The following FN1 variants were observed in gnomAD, a reference collection of about 807,000 sequenced individuals.
FN1 encodes fibronectin.
Under a neutral mutation model 297.3 loss-of-function variants are expected in FN1, and 106 were observed. That is an observed-to-expected ratio of 0.36 (90% confidence interval 0.30 to 0.42). The LOEUF is 0.42. Among genes scored for constraint, FN1 ranks in the 10% least tolerant of loss-of-function variants. The pLI, the probability that FN1 is intolerant of heterozygous loss-of-function variation, is 1.00. For missense variants in FN1, 2,690 were observed against 3,124.9 expected (o/e 0.86, Z 3.32); for synonymous variants, 1,149 against 1,152.6 (o/e 1.00, Z 0.06).
intron 25 of FN1, chr2:215,392,701 G>T: frequency 1.7e-6 from 1 of 573,904 alleles, no homozygotes; most frequent in East Asian, 3.0e-5. Context: ...TATTTCTCTA[G>T]CTTTATATCT....
In FN1 at chr2:215,407,241, G is replaced by GTT; in HGVS notation, c.2598_2599insAA (p.Leu867AsnfsTer53). On this transcript the variant is annotated frameshift_variant, in exon 18 of 46. Transcript: ENST00000354785. LOFTEE classifies it high-confidence loss of function. The stretch of plus-strand genomic sequence containing the variant: ...TGAACACCAGGTTGCAAGTCACTGA[G>GTT]GGTGACGGAGTTTGCAGTTTCAGGA... 6.2e-7 allele frequency: 1 copy of GTT among 1,613,836 alleles called. No homozygotes were observed. The highest frequency in any genetic ancestry group is 8.5e-7 in the Non-Finnish European group (1 of 1,179,708).
intron 33 of FN1, chr2:215,380,266 G>A (rs189799148): frequency 1.9e-4 from 31 of 161,706 alleles, no homozygotes; most frequent in Non-Finnish European, 3.8e-4. Flanking sequence ...ATTCTACTCT[G>A]CTTCAGAAAT....
chr2:215,379,351 A>T (rs2057856254), intron 33 of FN1, 34 bp from the exon 34 acceptor site: 2 of 1,592,060 alleles, frequency 1.3e-6, no homozygotes, highest in Non-Finnish European at 8.6e-7. Flanking sequence ...AGGTTATCTT[A>T]TAGGAAATGG....
At chr2:215,394,343 C>T (rs945628357) in intron 24 of FN1, among the ~76,000 whole-genome samples, 185 bp downstream of exon 24, 19 of 152,214 alleles carry the variant, frequency 1.2e-4, no homozygotes, top group Non-Finnish European at 7.3e-5. Flanking sequence ...GACAGTAAAG[C>T]AGTGTTAACA....
intron 26 of FN1, among the ~76,000 whole-genome samples, chr2:215,389,977 G>T (rs1010929692): frequency 6.6e-6 from 1 of 152,162 alleles, no homozygotes; most frequent in African/African-American, 2.4e-5. Context: ...GATACAGAGA[G>T]TGAGGTTTCT....
intron 4 of FN1, 87 bp downstream of exon 4, chr2:215,431,746 T>C: frequency 7.4e-7 from 1 of 1,343,322 alleles, no homozygotes; most frequent in South Asian, 1.2e-5. Context: ...GGAATTCAGG[T>C]CTATGACCTA....
chr2:215,379,265 C>T lies in FN1; in HGVS notation c.5487G>A (p.Leu1829=), dbSNP rs1478675251. ...LKFTQVTPTS[L]SAQWTPPNVQ... is the part of the protein sequence containing the mutation. ...CATTGGGTGGTGTCCACTGGGCGCT[C>T]AGGCTTGTGGGTGTGACCTGAGTGA... is the stretch of plus-strand genomic sequence containing the variant. The change falls in exon 34 of 46, where the codon CTG becomes CTA. Residue 1829 remains leucine, a synonymous_variant. Transcript: ENST00000354785. 2 of 1,614,026 alleles carry T rather than the reference C, an allele frequency of 1.2e-6. No homozygotes were observed. The highest frequency in any genetic ancestry group is 1.3e-5 in the African/African-American group (1 of 75,024).
rs1264770929 is a variant in FN1 at position 215,362,008 on chromosome 2, G to A, written c.7323C>T (p.Tyr2441=). Reference sequence around the variant, plus strand: ...GATGGTATCTCTGAGAATACTGGTTGTAGGACTGGCCAGTAGTGCCTTCGG... The same window carrying A: ...GATGGTATCTCTGAGAATACTGGTTATAGGACTGGCCAGTAGTGCCTTCGG... ...PSPEGTTGQS[Y]NQYSQRYHQR... Residue 2441 remains tyrosine (Y), a synonymous_variant, in exon 45 of 46, where the codon TAC becomes TAT. Coordinates refer to ENST00000354785, the MANE Select transcript of FN1 (RefSeq NM_212482.4). The A allele has an allele frequency of 6.2e-7, 1 of 1,614,032 alleles. No homozygotes were observed. The highest frequency in any genetic ancestry group is 1.7e-5 in the Admixed American group (1 of 60,018).
intron 21 of FN1, among the ~76,000 whole-genome samples, chr2:215,398,445 A>G (rs1559463612): frequency 6.6e-6 from 1 of 152,192 alleles, no homozygotes; most frequent in Non-Finnish European, 1.5e-5. Flanking sequence ...ATAGTGTTCA[A>G]CTCTAGAGAG....
chr2:215,378,370 A>G, intron 34 of FN1, 108 bp from the exon 35 acceptor site: 2 of 707,564 alleles, frequency 2.8e-6, no homozygotes, highest in Non-Finnish European at 5.2e-6. Flanking sequence ...AAAAATAAAC[A>G]AACCAGCAAA....
intron 20 of FN1, among the ~76,000 whole-genome samples, chr2:215,403,312 A>C (rs1192169244): frequency 6.6e-6 from 1 of 152,206 alleles, no homozygotes; most frequent in Non-Finnish European, 1.5e-5. Flanking sequence ...AGTTTTTCTT[A>C]AAGTATGAAT....
At chr2:215,386,609 G>T in intron 28 of FN1, 80 bp downstream of exon 28, 3 of 581,270 alleles carry the variant, frequency 5.2e-6, no homozygotes, top group Non-Finnish European at 5.7e-6. Flanking sequence ...GCTGATGACA[G>T]ACAACAGCAA....
intron 18 of FN1, among the ~76,000 whole-genome samples, chr2:215,406,861 A>C (rs2061841825): frequency 6.6e-6 from 1 of 152,218 alleles, no homozygotes; most frequent in Non-Finnish European, 1.5e-5. Context: ...TCATTTTATA[A>C]TACTTAAGAA....
chr2:215,388,278 C>G lies in FN1; in HGVS notation c.4276G>C (p.Val1426Leu), dbSNP rs776381536. ...TCGTAGACACTGGAGACACTCACTA[C>G]ATATTCTGTACCAGGCAGGAGATCT... is the stretch of plus-strand genomic sequence containing the variant. ...LTNLLPGTEY[V>L]VSVSSVYEQH... Residue 1426 changes from valine to leucine, a missense_variant, in exon 27 of 46, where the codon GTA becomes CTA. By Grantham distance (32) the Val-to-Leu change is conservative. Transcript: ENST00000354785. 20 of 1,613,826 alleles carry G rather than the reference C, an allele frequency of 1.2e-5. No homozygotes were observed. The highest frequency in any genetic ancestry group is 1.4e-5 in the Non-Finnish European group (17 of 1,179,696).
chr2:215,420,876 A>C (rs1200183716), intron 10 of FN1, 75 bp from the exon 11 acceptor site: 1 of 1,328,120 alleles, frequency 7.5e-7, no homozygotes, highest in Non-Finnish European at 1.1e-6. Flanking sequence ...TATGCTTCTC[A>C]AAGCATACAA....
At position 215,370,562 on chromosome 2, in the gene FN1, A is replaced by AG; in HGVS notation, c.6715-131_6715-130insC. 2 of 786,148 alleles carry AG rather than the reference A, an allele frequency of 2.5e-6. 1 individual carries two copies. The highest frequency in any genetic ancestry group is 4.1e-6 in the Non-Finnish European group (2 of 493,184). The allele number at this position is 786,148 out of a possible 1,614,324, so 48.7% of individuals were successfully genotyped here. ...AGACAAAAAACAAAAAACAAAAAAA[A>AG]AAAAAAGAGGGAGGGTATAGTGGTC... is the stretch of plus-strand genomic sequence containing the variant. On this transcript the variant is annotated intron_variant, in intron 40 of 45. Transcript: ENST00000354785.
At chr2:215,373,951 G>T (rs1366249738) in intron 38 of FN1, among the ~76,000 whole-genome samples, 1 of 151,784 alleles carries the variant, frequency 6.6e-6, no homozygotes, top group Admixed American at 6.6e-5. Flanking sequence ...CAAAGTGCTG[G>T]GATTACAGGC....
intron 41 of FN1, among the ~76,000 whole-genome samples, chr2:215,368,828 T>C (rs906090787): frequency 2.0e-5 from 3 of 152,136 alleles, no homozygotes; most frequent in Non-Finnish European, 4.4e-5. Context: ...TCTTTATGAT[T>C]TGGAAAAGCT....
Position 215,422,374 on chromosome 2 carries a change from A to G in FN1, c.1394-131T>C, listed in dbSNP as rs13394972. 194,838 of 899,260 alleles carry G rather than the reference A, an allele frequency of 0.22. 23,849 individuals carry two copies. The highest frequency in any genetic ancestry group is 0.29 in the African/African-American group (17,865 of 61,362). 55.7% of individuals were successfully genotyped at this position (899,260 alleles called of 1,614,324 possible). A position where few individuals can be genotyped will look rare whatever the true frequency, so the allele number is the denominator to read the frequency against. On this transcript the variant is annotated intron_variant, in intron 9 of 45. Transcript: ENST00000354785. ...TTGGGAAGAAGCTTTGTGTGCATCA[A>G]AGACATCTAAGTGCTGTCAGGTGAA...
Sources: allele counts gnomAD v4.1 joint callset (sites outside exome capture counted in the v4.1 genomes callset), GRCh38; gene constraint gnomAD v4.1.1; transcripts MANE v1.5; gene names NCBI Gene and HGNC (gene_info 2026-07-23, HGNC 2026-07-21).